MNAT1: variants seen among roughly 807,000 people sequenced by gnomAD.
MNAT1 encodes CDK-activating kinase assembly factor MAT1.
A neutral mutation model predicts 42.0 loss-of-function variants in MNAT1; 43 were observed. The ratio of observed to expected loss-of-function variants is 1.02; its 90% confidence interval spans 0.80 to 1.32. The LOEUF (loss-of-function observed/expected upper bound fraction) is 1.32. Among genes scored for constraint, MNAT1 ranks in the 40% most tolerant of loss-of-function variants. The pLI is 0.00. For synonymous variants in MNAT1, 118 were observed against 120.0 expected (o/e 0.98, Z 0.11); for missense variants, 306 against 350.4 (o/e 0.87, Z 1.01).
chr14:60,750,677 A>C (rs916343381), intron 1 of MNAT1, among the ~76,000 whole-genome samples: 2 of 152,124 alleles, frequency 1.3e-5, no homozygotes, highest in Non-Finnish European at 2.9e-5. Context: ...AAGAAACATA[A>C]ATCTGAAATC....
chr14:60,930,052 C>A (rs891398830), intron 7 of MNAT1, among the ~76,000 whole-genome samples: 1 of 151,780 alleles, frequency 6.6e-6, no homozygotes. Context: ...AAACTGGCTT[C>A]CTTAATTACT....
At chr14:60,751,614 A>G (rs1382784441) in intron 1 of MNAT1, among the ~76,000 whole-genome samples, 2 of 151,920 alleles carry the variant, frequency 1.3e-5, no homozygotes, top group Admixed American at 6.5e-5. Flanking sequence ...TTTATTTTTC[A>G]TATTTATTTT....
chr14:60,936,617 G>C (rs1346376460), intron 7 of MNAT1, among the ~76,000 whole-genome samples: 1 of 152,002 alleles, frequency 6.6e-6, no homozygotes, highest in Admixed American at 6.6e-5. Context: ...TCTTAATCCA[G>C]TCTATCATTG....
rs60969481 is a variant in MNAT1 at position 60,942,755 on chromosome 14, A to G, written c.810-25474A>G. Among the ~76,000 whole-genome samples, 1,034 of 152,288 alleles carry G rather than the reference A, an allele frequency of 6.8e-3. 16 individuals carry two copies. The highest frequency in any genetic ancestry group is 0.023 in the African/African-American group (941 of 41,558). On this transcript the variant is annotated intron_variant, in intron 7 of 7. Coordinates refer to ENST00000261245, the MANE Select transcript of MNAT1 (RefSeq NM_002431.4). Reference sequence around the variant, plus strand: ...ACTACAATGCATTTTAGAAATTAAAATTAAAGCTTCTTTAACATATGTTAA... The same window carrying G: ...ACTACAATGCATTTTAGAAATTAAAGTTAAAGCTTCTTTAACATATGTTAA...
intron 1 of MNAT1, among the ~76,000 whole-genome samples, chr14:60,769,682 G>A (rs997831798): frequency 6.6e-6 from 1 of 152,044 alleles, no homozygotes; most frequent in African/African-American, 2.4e-5. Context: ...TAGAGACAGG[G>A]CCTTACTCCG....
At chr14:60,959,352 G>A (rs996520590) in intron 7 of MNAT1, among the ~76,000 whole-genome samples, 1 of 152,154 alleles carries the variant, frequency 6.6e-6, no homozygotes, top group East Asian at 1.9e-4. Context: ...GGATAATAAT[G>A]ATTTCTGCTT....
intron 6 of MNAT1, among the ~76,000 whole-genome samples, chr14:60,838,151 T>G (rs1182010942): frequency 1.3e-5 from 2 of 152,144 alleles, no homozygotes; most frequent in African/African-American, 4.8e-5. Flanking sequence ...TTTTCTTTTT[T>G]TTAGGCAGTA....
At chr14:60,879,076 C>A (rs538373314) in intron 6 of MNAT1, among the ~76,000 whole-genome samples, 22 of 152,062 alleles carry the variant, frequency 1.4e-4, no homozygotes, top group Non-Finnish European at 2.5e-4. Context: ...AGATGGTCTG[C>A]CACTGAGGGC....
intron 3 of MNAT1, among the ~76,000 whole-genome samples, chr14:60,800,658 ACTATATACTTC>A (rs1385949125): frequency 1.3e-5 from 2 of 152,226 alleles, no homozygotes; most frequent in Non-Finnish European, 2.9e-5. Context: ...TTAGAGAATG[ACTATATACTTC>A]CTATATATGT....
chr14:60,869,040 A>ATATTTTTTTT (rs1465360826), intron 6 of MNAT1, among the ~76,000 whole-genome samples: 21 of 113,026 alleles, frequency 1.9e-4, no homozygotes, highest in African/African-American at 7.1e-4. Context: ...ATATATATAT[A>ATATTTTTTTT]TTTTTTTTTT....
At chr14:60,783,442 A>C (rs1037268575) in intron 1 of MNAT1, among the ~76,000 whole-genome samples, 1 of 152,220 alleles carries the variant, frequency 6.6e-6, no homozygotes, top group Non-Finnish European at 1.5e-5. Context: ...GTACCTTCAA[A>C]GTAGCATATT....
At chr14:60,839,691 T>C (rs1343319035) in intron 6 of MNAT1, among the ~76,000 whole-genome samples, 1 of 152,228 alleles carries the variant, frequency 6.6e-6, no homozygotes, top group African/African-American at 2.4e-5. Flanking sequence ...TTCTGTTATC[T>C]CCAAGCTTTC....
At chr14:60,892,105 G>A (rs2034858244) in intron 7 of MNAT1, among the ~76,000 whole-genome samples, 1 of 152,122 alleles carries the variant, frequency 6.6e-6, no homozygotes, top group South Asian at 2.1e-4. Context: ...GTGCACTTTA[G>A]AGGAATGTGT....
At chr14:60,847,872 A>G (rs1415628262) in intron 6 of MNAT1, among the ~76,000 whole-genome samples, 1 of 152,042 alleles carries the variant, frequency 6.6e-6, no homozygotes, top group Non-Finnish European at 1.5e-5. Context: ...GGAGAGTGCC[A>G]TTGTCATATG....
intron 7 of MNAT1, among the ~76,000 whole-genome samples, chr14:60,953,321 AG>A (rs2036418683): frequency 6.6e-6 from 1 of 152,166 alleles, no homozygotes; most frequent in Admixed American, 6.5e-5. Context: ...CTGTGATAAA[AG>A]ATTAGCAAGC....
At chr14:60,863,146 A>G (rs1003288910) in intron 6 of MNAT1, among the ~76,000 whole-genome samples, 10 of 152,160 alleles carry the variant, frequency 6.6e-5, no homozygotes, top group Non-Finnish European at 1.2e-4. Context: ...ACTTTTATAC[A>G]TTTGTGATAA....
intron 1 of MNAT1, among the ~76,000 whole-genome samples, chr14:60,742,512 A>C (rs1255620884): frequency 6.6e-6 from 1 of 152,226 alleles, no homozygotes; most frequent in African/African-American, 2.4e-5. Context: ...TGTTTTTAAA[A>C]AACTACTTCA....
intron 3 of MNAT1, among the ~76,000 whole-genome samples, chr14:60,808,112 G>A (rs2032434194): frequency 6.6e-6 from 1 of 151,986 alleles, no homozygotes; most frequent in Non-Finnish European, 1.5e-5. Context: ...TATTTTGTGC[G>A]AGTCAGACAG....
chr14:60,738,612 C>T (rs1896377332), intron 1 of MNAT1, among the ~76,000 whole-genome samples: 1 of 151,692 alleles, frequency 6.6e-6, no homozygotes, highest in Non-Finnish European at 1.5e-5. Context: ...GATAGCTCAC[C>T]ACAACCTCTG....
Sources: allele counts gnomAD v4.1 joint callset (sites outside exome capture counted in the v4.1 genomes callset), GRCh38; gene constraint gnomAD v4.1.1; transcripts MANE v1.5; gene names NCBI Gene and HGNC (gene_info 2026-07-23, HGNC 2026-07-21).